The following CCDC83 variants were observed in gnomAD, a reference collection of about 807,000 sequenced individuals.
CCDC83 encodes coiled-coil domain-containing protein 83.
A neutral mutation model predicts 50.1 loss-of-function variants in CCDC83; 54 were observed. That is an observed-to-expected ratio of 1.08 (90% CI 0.87 to 1.35). The LOEUF is 1.35. Ranked by LOEUF, CCDC83 falls within the 40% of genes most tolerant of loss-of-function variation. The pLI is 0.00. For missense variants in CCDC83, 518 were observed against 473.9 expected (o/e 1.09, Z -0.86); for synonymous variants, 161 against 153.3 (o/e 1.05, Z -0.37).
chr11:85,895,493 A>C, intron 6 of CCDC83, 109 bp downstream of exon 6: 1 of 626,332 alleles, frequency 1.6e-6, no homozygotes, highest in Non-Finnish European at 2.8e-6. Context: ...CAGATTTGGG[A>C]TGCTCAACCT....
intron 1 of CCDC83, among the ~76,000 whole-genome samples, chr11:85,860,141 T>C (rs1412479252): frequency 2.1e-5 from 3 of 146,000 alleles, no homozygotes; most frequent in African/African-American, 8.2e-5. Context: ...ACAAAACAAA[T>C]AAATAAATAA....
rs762901381 is a variant in CCDC83 at position 85,919,465 on chromosome 11, C to T, written c.1197C>T (p.Ser399=). ...IPVKLYKDVR[S]PESHITYKMM... ...TCAAACTCTATAAAGATGTCAGGAG[C>T]CCAGAAAGCCACATCACATATAAGA... is the stretch of plus-strand genomic sequence containing the variant. Residue 399 remains serine (S), a synonymous_variant, in exon 11 of 11, where the codon AGC becomes AGT. Coordinates refer to ENST00000342404, the MANE Select transcript of CCDC83 (RefSeq NM_001286159.2). The T allele has an allele frequency of 4.3e-6, 7 of 1,611,586 alleles. No individual in the cohort carries two copies. Among genetic ancestry groups the T allele is most frequent in the Non-Finnish European group, 5.9e-6 (7 of 1,178,688 alleles).
rs1262161876 is a variant in CCDC83 at position 85,886,235 on chromosome 11, T to C, written c.379T>C (p.Phe127Leu). The C allele has an allele frequency of 1.9e-6, 3 of 1,599,046 alleles. No homozygotes were observed. Among genetic ancestry groups the C allele is most frequent in the Non-Finnish European group, 1.7e-6 (2 of 1,174,896 alleles). The change falls in exon 5 of 11, where the codon TTT (phenylalanine) becomes CTT (leucine). Residue 127 changes from phenylalanine to leucine, a missense_variant. By Grantham distance (22) the Phe-to-Leu change is conservative. Coordinates refer to ENST00000342404, the MANE Select transcript of CCDC83 (RefSeq NM_001286159.2). ...GCAAATAAGTAATGCTGAGAAACTA[T>C]TTCTTGAGAAACTCAGTGAAAAGGA... is the stretch of plus-strand genomic sequence containing the variant. ...RMQISNAEKL[F>L]LEKLSEKEYW...
chr11:85,871,641 G>A (rs2093238091), intron 2 of CCDC83, among the ~76,000 whole-genome samples: 1 of 152,044 alleles, frequency 6.6e-6, no homozygotes, highest in African/African-American at 2.4e-5. Flanking sequence ...TAATCCTTAC[G>A]ATAATATGCA....
chr11:85,912,288 G>T (rs904032998), intron 8 of CCDC83, among the ~76,000 whole-genome samples: 1 of 152,168 alleles, frequency 6.6e-6, no homozygotes, highest in Non-Finnish European at 1.5e-5. Context: ...ACATGATCAT[G>T]TATTTGTTAT....
chr11:85,912,847 G>T (rs1422670053), intron 8 of CCDC83: 1 of 741,628 alleles, frequency 1.3e-6, no homozygotes, highest in African/African-American at 1.7e-5. Flanking sequence ...CCAGACCCGT[G>T]TCTCTACCTG....
At chr11:85,887,421 T>C (rs990566642) in intron 5 of CCDC83, among the ~76,000 whole-genome samples, 2 of 152,170 alleles carry the variant, frequency 1.3e-5, no homozygotes, top group African/African-American at 4.8e-5. Context: ...CATGTCCCCC[T>C]ATCAGGGCTC....
chr11:85,866,244 CTTCA>C (rs1199539749), intron 2 of CCDC83, among the ~76,000 whole-genome samples: 1 of 152,138 alleles, frequency 6.6e-6, no homozygotes, highest in Non-Finnish European at 1.5e-5. Context: ...CTGAAATATA[CTTCA>C]TTCATGTACT....
chr11:85,864,067 C>T (rs7121363), intron 1 of CCDC83, among the ~76,000 whole-genome samples: 24,102 of 152,112 alleles, frequency 0.16, 2,095 homozygotes, highest in Middle Eastern at 0.2. Context: ...ACAGAGATAA[C>T]AGTGATGGAT....
chr11:85,887,659 C>CATATATATAT lies in CCDC83; in HGVS notation c.511+1301_511+1310dup, dbSNP rs145805921. Among the ~76,000 whole-genome samples, 374 of 148,686 alleles carry CATATATATAT rather than the reference C, an allele frequency of 2.5e-3. 1 individual carries two copies. Among genetic ancestry groups the CATATATATAT allele is most frequent in the African/African-American group, 3.3e-3 (132 of 40,580 alleles). ...ATTTAGCAGTCAGAAATATTCTATG[C>CATATATATAT]ATATATATATATATATATCACAAAT... On this transcript the variant is annotated intron_variant, in intron 5 of 10. Coordinates refer to ENST00000342404, the MANE Select transcript of CCDC83 (RefSeq NM_001286159.2).
intron 7 of CCDC83, among the ~76,000 whole-genome samples, chr11:85,904,707 A>G (rs1447353309): frequency 2.0e-5 from 3 of 152,160 alleles, no homozygotes; most frequent in Non-Finnish European, 4.4e-5. Flanking sequence ...CAATGTACCT[A>G]AAGCAGGACT....
chr11:85,870,704 C>G (rs1233275078), intron 2 of CCDC83, among the ~76,000 whole-genome samples: 2 of 152,116 alleles, frequency 1.3e-5, no homozygotes, highest in Non-Finnish European at 2.9e-5. Context: ...GCTGCCCTAT[C>G]TACTATAGTA....
At chr11:85,870,509 G>A (rs1375122218) in intron 2 of CCDC83, among the ~76,000 whole-genome samples, 2 of 152,042 alleles carry the variant, frequency 1.3e-5, no homozygotes, top group Non-Finnish European at 2.9e-5. Flanking sequence ...GGTAGAAAAG[G>A]CACTCCTTCA....
intron 1 of CCDC83, among the ~76,000 whole-genome samples, chr11:85,863,223 A>T (rs934319257): frequency 5.9e-5 from 9 of 152,376 alleles, no homozygotes; most frequent in African/African-American, 2.2e-4. Flanking sequence ...TTTTAAAATG[A>T]AACATTTGTT....
chr11:85,876,697 G>T (rs933405337), intron 3 of CCDC83, among the ~76,000 whole-genome samples: 4 of 152,094 alleles, frequency 2.6e-5, no homozygotes, highest in African/African-American at 7.2e-5. Flanking sequence ...TAGAGACAGG[G>T]TTTCACCGTG....
At chr11:85,872,761 A>G (rs111347386) in intron 2 of CCDC83, among the ~76,000 whole-genome samples, 16 of 152,332 alleles carry the variant, frequency 1.1e-4, no homozygotes, top group African/African-American at 3.8e-4. Context: ...TGTAGAAGAG[A>G]TGGCACACTA....
In CCDC83 at chr11:85,916,167, C is replaced by T. The variant is rs771712040; in HGVS notation, c.1014C>T (p.Asn338=). 8 of 1,613,268 alleles carry T rather than the reference C, an allele frequency of 5.0e-6. No homozygotes were observed. In the African/African-American group the frequency reaches 6.7e-5, roughly 13 times the overall value. ...ATGTGAAGATAGATAAAGAGGAAAA[C>T]TCAGGCACAGAGTTTGGGGACACTG... is the stretch of plus-strand genomic sequence containing the variant. ...LQYVKIDKEE[N]SGTEFGDTDM... is the part of the protein sequence containing the mutation. Residue 338 remains asparagine, a synonymous_variant, in exon 10 of 11, where the codon AAC becomes AAT. Transcript: ENST00000342404.
intron 1 of CCDC83, among the ~76,000 whole-genome samples, chr11:85,857,870 C>T (rs139537569): frequency 3.9e-5 from 6 of 152,298 alleles, no homozygotes; most frequent in South Asian, 2.1e-4. Context: ...CCACCATAGA[C>T]GAGGCCTGTC....
chr11:85,916,471 C>G, intron 10 of CCDC83: 2 of 441,412 alleles, frequency 4.5e-6, no homozygotes, highest in Non-Finnish European at 8.1e-6. Context: ...AGTAAGTTAT[C>G]TAATGCTACA....
Sources: allele counts gnomAD v4.1 joint callset (sites outside exome capture counted in the v4.1 genomes callset), GRCh38; gene constraint gnomAD v4.1.1; transcripts MANE v1.5; gene names NCBI Gene and HGNC (gene_info 2026-07-23, HGNC 2026-07-21).